Variants in CTNND2 observed in about 807,000 individuals in gnomAD.
CTNND2 encodes the protein catenin delta 2.
CTNND2 carries 22 observed loss-of-function variants against 144.4 expected under a neutral mutation model. That is an observed-to-expected ratio of 0.15 (90% CI 0.11 to 0.22). CTNND2 has a LOEUF of 0.22. CTNND2 is among the 10% of genes least tolerant of loss of function. CTNND2 has a pLI of 1.00. For synonymous variants in CTNND2, 751 were observed against 695.6 expected (o/e 1.08, Z -1.25); for missense variants, 1,353 against 1,618.8 (o/e 0.84, Z 2.82).
At chr5:11,638,442 C>T (rs1281442924) in intron 2 of CTNND2, among the ~76,000 whole-genome samples, 2 of 152,188 alleles carry the variant, frequency 1.3e-5, no homozygotes, top group Non-Finnish European at 2.9e-5. Flanking sequence ...TCTTAATTCT[C>T]CTTATCTCTG....
intron 9 of CTNND2, among the ~76,000 whole-genome samples, chr5:11,239,341 G>C (rs1171365133): frequency 1.3e-5 from 2 of 152,232 alleles, no homozygotes; most frequent in African/African-American, 4.8e-5. Context: ...AGACTCATGA[G>C]TGCAGAAGGG....
At chr5:11,726,272 A>T (rs759436515) in intron 2 of CTNND2, among the ~76,000 whole-genome samples, 12 of 152,286 alleles carry the variant, frequency 7.9e-5, no homozygotes, top group Middle Eastern at 6.8e-3. Context: ...AATCTATATC[A>T]CATACTCATT....
At chr5:11,197,576 T>C (rs1736990803) in intron 11 of CTNND2, among the ~76,000 whole-genome samples, 1 of 152,240 alleles carries the variant, frequency 6.6e-6, no homozygotes, top group Non-Finnish European at 1.5e-5. Flanking sequence ...CAAGAGGTTA[T>C]GCCTTTGGTT....
chr5:11,067,214 A>T (rs1055015198), intron 16 of CTNND2, among the ~76,000 whole-genome samples: 5 of 152,254 alleles, frequency 3.3e-5, no homozygotes, highest in Admixed American at 6.5e-5. Context: ...AGAGGAGAGT[A>T]TAAGCAGAGA....
intron 2 of CTNND2, among the ~76,000 whole-genome samples, chr5:11,608,005 C>A (rs1780140373): frequency 6.6e-6 from 1 of 152,082 alleles, no homozygotes; most frequent in South Asian, 2.1e-4. Context: ...CAACAGTTCC[C>A]AACAAATCTA....
chr5:11,270,449 C>A (rs1047893568), intron 9 of CTNND2, among the ~76,000 whole-genome samples: 2 of 146,132 alleles, frequency 1.4e-5, no homozygotes, highest in African/African-American at 5.1e-5. Context: ...TATTAGGATA[C>A]ATTCAAAGGA....
chr5:11,602,187 T>C (rs1231334536), intron 2 of CTNND2, among the ~76,000 whole-genome samples: 1 of 152,090 alleles, frequency 6.6e-6, no homozygotes, highest in Non-Finnish European at 1.5e-5. Flanking sequence ...TAATTTAATT[T>C]TTAACATTGT....
At chr5:11,159,903 A>G in intron 11 of CTNND2, 144 bp from the exon 12 acceptor site, 1 of 587,652 alleles carries the variant, frequency 1.7e-6, no homozygotes, top group Non-Finnish European at 2.9e-6. Flanking sequence ...CCTTAATTTT[A>G]GAACATTCGT....
At chr5:11,822,891 A>G (rs1793392078) in intron 1 of CTNND2, among the ~76,000 whole-genome samples, 1 of 152,202 alleles carries the variant, frequency 6.6e-6, no homozygotes, top group African/African-American at 2.4e-5. Flanking sequence ...TGGCAAACAG[A>G]GAATCCATCT....
intron 9 of CTNND2, among the ~76,000 whole-genome samples, chr5:11,332,926 C>A (rs1253496551): frequency 9.2e-5 from 14 of 152,218 alleles, no homozygotes; most frequent in Non-Finnish European, 1.5e-4. Context: ...TTACCTGCCG[C>A]CACGTAGGAC....
At chr5:11,226,122 G>A (rs548732938) in intron 10 of CTNND2, among the ~76,000 whole-genome samples, 6 of 152,202 alleles carry the variant, frequency 3.9e-5, no homozygotes, top group Admixed American at 1.3e-4. Flanking sequence ...CTCCAGCATC[G>A]TGAGAGAACA....
intron 1 of CTNND2, among the ~76,000 whole-genome samples, chr5:11,798,912 T>C (rs1170739324): frequency 6.6e-6 from 1 of 152,192 alleles, no homozygotes; most frequent in Non-Finnish European, 1.5e-5. Flanking sequence ...CTTTAAAATG[T>C]TTGTGCTCTT....
chr5:11,459,638 A>C (rs1282765438), intron 3 of CTNND2, among the ~76,000 whole-genome samples: 1 of 152,164 alleles, frequency 6.6e-6, no homozygotes, highest in Non-Finnish European at 1.5e-5. Context: ...CAAGGAAACT[A>C]TTTCTTCCCT....
At chr5:11,339,270 A>G (rs1437577442) in intron 9 of CTNND2, among the ~76,000 whole-genome samples, 1 of 149,886 alleles carries the variant, frequency 6.7e-6, no homozygotes, top group Middle Eastern at 3.2e-3. Context: ...GCTTTCATTA[A>G]ACAGCCTCAT....
intron 7 of CTNND2, among the ~76,000 whole-genome samples, chr5:11,374,210 C>A (rs749243437): frequency 6.6e-6 from 1 of 152,134 alleles, no homozygotes; most frequent in Non-Finnish European, 1.5e-5. Context: ...CACCCTAAAC[C>A]CTTCTCAGCT....
intron 12 of CTNND2, among the ~76,000 whole-genome samples, chr5:11,151,975 A>G (rs936566736): frequency 2.6e-5 from 4 of 152,166 alleles, no homozygotes; most frequent in African/African-American, 9.7e-5. Context: ...AACTTTTCCT[A>G]ATGGAAAAGA....
At chr5:11,213,475 T>C (rs1417061456) in intron 10 of CTNND2, among the ~76,000 whole-genome samples, 4 of 152,138 alleles carry the variant, frequency 2.6e-5, no homozygotes, top group East Asian at 3.9e-4. Flanking sequence ...CAAATTGAAA[T>C]ATGATTTATT....
intron 3 of CTNND2, among the ~76,000 whole-genome samples, chr5:11,548,700 C>A (rs1775477672): frequency 6.6e-6 from 1 of 152,182 alleles, no homozygotes. Context: ...GAAGTTAAAT[C>A]TTCCGTGTAA....
chr5:11,672,458 CT>C (rs1783923971), intron 2 of CTNND2, among the ~76,000 whole-genome samples: 1 of 152,166 alleles, frequency 6.6e-6, no homozygotes, highest in African/African-American at 2.4e-5. Flanking sequence ...GGGCTGCTCA[CT>C]TTTTTTCAGA....
Sources: allele counts gnomAD v4.1 joint callset (sites outside exome capture counted in the v4.1 genomes callset), GRCh38; gene constraint gnomAD v4.1.1; transcripts MANE v1.5; gene names NCBI Gene and HGNC (gene_info 2026-07-23, HGNC 2026-07-21).